The following CTNND2 variants were observed in gnomAD, a reference collection of about 807,000 sequenced individuals.
CTNND2 encodes catenin delta-2.
A neutral mutation model predicts 144.4 loss-of-function variants in CTNND2; 22 were observed. The observed-to-expected ratio is 0.15, with a 90% CI of 0.11 to 0.22. The LOEUF is 0.22. Ranked by LOEUF, CTNND2 falls within the 10% of genes least tolerant of loss-of-function variation. The pLI, the probability that CTNND2 is intolerant of heterozygous loss-of-function variation, is 1.00. For missense variants in CTNND2, 1,353 were observed against 1,618.8 expected, an observed-to-expected ratio of 0.84 and a Z score of 2.82; for synonymous variants, 751 against 695.6, an observed-to-expected ratio of 1.08 and a Z score of -1.25.
chr5:11,327,167 T>C (rs1380365063), intron 9 of CTNND2, among the ~76,000 whole-genome samples: 1 of 152,010 alleles, frequency 6.6e-6, no homozygotes, highest in South Asian at 2.1e-4. Flanking sequence ...GGCTACTGCA[T>C]TGGGTCAGGT....
At chr5:11,759,311 G>A (rs982143844) in intron 1 of CTNND2, among the ~76,000 whole-genome samples, 1 of 151,884 alleles carries the variant, frequency 6.6e-6, no homozygotes, top group Non-Finnish European at 1.5e-5. Flanking sequence ...TGTCTATTAT[G>A]AAAACCTTAA....
At chr5:11,621,111 C>A (rs1435158712) in intron 2 of CTNND2, among the ~76,000 whole-genome samples, 1 of 152,172 alleles carries the variant, frequency 6.6e-6, no homozygotes, top group African/African-American at 2.4e-5. Flanking sequence ...CACACACACA[C>A]ATGCATCCAT....
In CTNND2 at chr5:11,121,619, A is replaced by AT. The variant is rs1354262667; in HGVS notation, c.2160-4053dup. Among the ~76,000 whole-genome samples the AT allele has an allele frequency of 3.9e-5, 6 of 152,230 alleles. No individual in the cohort carries two copies. The East Asian group carries it at 1.2e-3, about 29-fold the overall frequency. Reference sequence around the variant, plus strand: ...GTCTTCCAAATTAAAAGACCAATCTATTTTTTATTTTAATGCAACTAAACT... The same window carrying AT: ...GTCTTCCAAATTAAAAGACCAATCTATTTTTTTATTTTAATGCAACTAAACT... On this transcript the variant is annotated intron_variant, in intron 12 of 21. Coordinates refer to ENST00000304623, the MANE Select transcript of CTNND2 (RefSeq NM_001332.4).
At chr5:11,638,520 A>C (rs1781827304) in intron 2 of CTNND2, among the ~76,000 whole-genome samples, 2 of 152,188 alleles carry the variant, frequency 1.3e-5, no homozygotes, top group Non-Finnish European at 2.9e-5. Flanking sequence ...TAAATTAAAA[A>C]TATGTTTCCC....
chr5:11,518,515 G>C (rs1360358680), intron 3 of CTNND2, among the ~76,000 whole-genome samples: 1 of 152,144 alleles, frequency 6.6e-6, no homozygotes, highest in Non-Finnish European at 1.5e-5. Context: ...CTACAGTAGT[G>C]AACAGTAATG....
intron 1 of CTNND2, among the ~76,000 whole-genome samples, chr5:11,874,926 A>G (rs79666699): frequency 6.0e-4 from 92 of 152,318 alleles, no homozygotes; most frequent in African/African-American, 2.1e-3. Context: ...TTTAAGTTAC[A>G]TATGAAAGAA....
At chr5:11,110,428 C>T (rs1448174392) in intron 14 of CTNND2, among the ~76,000 whole-genome samples, 6 of 152,126 alleles carry the variant, frequency 3.9e-5, no homozygotes, top group Admixed American at 3.3e-4. Context: ...TCGAAACCAG[C>T]GATTAAATAC....
intron 3 of CTNND2, among the ~76,000 whole-genome samples, chr5:11,417,618 A>C (rs569259488): frequency 1.2e-4 from 19 of 152,350 alleles, no homozygotes; most frequent in Middle Eastern, 3.4e-3. Flanking sequence ...CATACACCAC[A>C]AACTGTCCAA....
intron 3 of CTNND2, among the ~76,000 whole-genome samples, chr5:11,422,205 T>A (rs1581161084): frequency 6.8e-6 from 1 of 146,834 alleles, no homozygotes; most frequent in East Asian, 1.9e-4. Context: ...GTAGAATTTA[T>A]ATTGTCTACC....
chr5:11,090,266 T>C (rs1461773610), intron 15 of CTNND2, among the ~76,000 whole-genome samples: 1 of 152,220 alleles, frequency 6.6e-6, no homozygotes, highest in Admixed American at 6.5e-5. Context: ...CTCTGTGAAG[T>C]TGACTGCTCA....
At chr5:11,105,751 T>C (rs1043831548) in intron 14 of CTNND2, among the ~76,000 whole-genome samples, 4 of 151,782 alleles carry the variant, frequency 2.6e-5, no homozygotes, top group Admixed American at 1.3e-4. Flanking sequence ...CAGACGAGAG[T>C]TGCTGCGCAA....
chr5:11,045,244 G>T (rs145512123), intron 16 of CTNND2, among the ~76,000 whole-genome samples: 2 of 152,170 alleles, frequency 1.3e-5, no homozygotes, highest in African/African-American at 4.8e-5. Flanking sequence ...GGTTCTGCAG[G>T]CTGTACATAA....
At chr5:11,788,287 G>A (rs553185761) in intron 1 of CTNND2, among the ~76,000 whole-genome samples, 1 of 28,666 alleles carries the variant, frequency 3.5e-5, no homozygotes, top group South Asian at 0.013. Context: ...ATAACTTCTT[G>A]CACAAGACAG....
At chr5:11,899,786 G>A (rs1737710149) in intron 1 of CTNND2, among the ~76,000 whole-genome samples, 1 of 152,108 alleles carries the variant, frequency 6.6e-6, no homozygotes, top group Non-Finnish European at 1.5e-5. Context: ...TACAGCTGAA[G>A]AAACTGAGTT....
intron 12 of CTNND2, among the ~76,000 whole-genome samples, chr5:11,137,047 T>A (rs1756225970): frequency 6.6e-6 from 1 of 152,226 alleles, no homozygotes; most frequent in Non-Finnish European, 1.5e-5. Context: ...TTCTTGTCAC[T>A]CATATATCAC....
intron 2 of CTNND2, among the ~76,000 whole-genome samples, chr5:11,585,963 T>G (rs550257257): frequency 7.9e-5 from 12 of 151,894 alleles, no homozygotes; most frequent in African/African-American, 1.9e-4. Flanking sequence ...GAGCAAAAAG[T>G]GAGAGGAGGA....
At position 11,098,608 on chromosome 5, in the gene CTNND2, G is replaced by T. The variant is rs758047157; in HGVS notation, c.2604C>A (p.Gly868=). ...SNPDTLEGAA[G]ALQNLAAGSW... ...TCCCTGCAGCCAAGTTCTGCAGGGCGCCTGCCGCCCCTTCCAGCGTGTCTG... is the reference window on the plus strand; with the variant it reads ...TCCCTGCAGCCAAGTTCTGCAGGGCTCCTGCCGCCCCTTCCAGCGTGTCTG... Residue 868 remains glycine (G), a synonymous_variant, in exon 15 of 22, where the codon GGC becomes GGA. Coordinates refer to ENST00000304623, the MANE Select transcript of CTNND2 (RefSeq NM_001332.4). The T allele has an allele frequency of 6.2e-6, 10 of 1,613,932 alleles. No homozygotes were observed. The highest frequency in any genetic ancestry group is 8.5e-6 in the Non-Finnish European group (10 of 1,179,998).
At chr5:10,982,660 A>C (rs899244120) in intron 20 of CTNND2, among the ~76,000 whole-genome samples, 10 of 152,240 alleles carry the variant, frequency 6.6e-5, no homozygotes, top group Admixed American at 6.5e-4. Flanking sequence ...GTATATTAGA[A>C]AGAAAGGAAA....
chr5:11,848,806 C>A (rs1431108347), intron 1 of CTNND2, among the ~76,000 whole-genome samples: 1 of 152,076 alleles, frequency 6.6e-6, no homozygotes, highest in East Asian at 1.9e-4. Context: ...CAGAATATTT[C>A]TTTCTCTTGT....
Sources: allele counts gnomAD v4.1 joint callset (sites outside exome capture counted in the v4.1 genomes callset), GRCh38; gene constraint gnomAD v4.1.1; transcripts MANE v1.5; gene names NCBI Gene and HGNC (gene_info 2026-07-23, HGNC 2026-07-21).